The following TFPI variants were observed in gnomAD, a reference collection of about 807,000 sequenced individuals.
The protein encoded by TFPI is tissue factor pathway inhibitor, also known as anti-convertin.
A neutral mutation model predicts 34.6 loss-of-function variants in TFPI; 15 were observed. That is an observed-to-expected ratio of 0.43 (90% CI 0.29 to 0.67). The LOEUF is 0.67. TFPI is among the 30% of genes least tolerant of loss of function. TFPI has a pLI of 0.15. For missense variants in TFPI, 301 were observed against 364.0 expected, an observed-to-expected ratio of 0.83 and a Z score of 1.41; for synonymous variants, 105 against 120.1, an observed-to-expected ratio of 0.87 and a Z score of 0.82.
At chr2:187,521,065 T>C (rs1464981462) in intron 1 of TFPI, among the ~76,000 whole-genome samples, 1 of 152,076 alleles carries the variant, frequency 6.6e-6, no homozygotes, top group Admixed American at 6.5e-5. Flanking sequence ...TAGAGATTGG[T>C]ATTAGAAACC....
chr2:187,508,376 A>G (rs1686375676), intron 1 of TFPI, among the ~76,000 whole-genome samples: 1 of 152,172 alleles, frequency 6.6e-6, no homozygotes. Flanking sequence ...CTTAATTGGG[A>G]TAGCATTGAA....
intron 4 of TFPI, among the ~76,000 whole-genome samples, chr2:187,487,017 TCTAA>T (rs1003230697): frequency 2.0e-5 from 3 of 151,670 alleles, no homozygotes; most frequent in Non-Finnish European, 3.0e-5. Flanking sequence ...AGCTTTATTC[TCTAA>T]CTTTCATATA....
At chr2:187,536,460 A>T (rs1004223911) in intron 1 of TFPI, among the ~76,000 whole-genome samples, 58 of 152,216 alleles carry the variant, frequency 3.8e-4, no homozygotes, top group Admixed American at 3.8e-3. Context: ...AATCCATCAC[A>T]TAAACAGAAT....
intron 6 of TFPI, among the ~76,000 whole-genome samples, chr2:187,477,751 A>C (rs1485130603): frequency 1.3e-5 from 2 of 152,224 alleles, no homozygotes; most frequent in African/African-American, 2.4e-5. Flanking sequence ...GGCTAGTGAT[A>C]ACAAAAATCT....
At chr2:187,512,327 T>G (rs1686699673) in intron 1 of TFPI, among the ~76,000 whole-genome samples, 1 of 150,542 alleles carries the variant, frequency 6.6e-6, no homozygotes, top group Non-Finnish European at 1.5e-5. Flanking sequence ...CTTAAAAATC[T>G]TAAAGTATAA....
At chr2:187,530,225 A>G (rs2106251778) in intron 1 of TFPI, among the ~76,000 whole-genome samples, 1 of 152,340 alleles carries the variant, frequency 6.6e-6, no homozygotes, top group Non-Finnish European at 1.5e-5. Flanking sequence ...TTGTAACCTG[A>G]AATTGAGTAA....
At chr2:187,506,916 TA>T (rs1011640567) in intron 1 of TFPI, among the ~76,000 whole-genome samples, 91 of 152,282 alleles carry the variant, frequency 6.0e-4, no homozygotes, top group African/African-American at 2.1e-3. Context: ...TTTATTTATT[TA>T]TTTTTTTATA....
intron 1 of TFPI, chr2:187,529,335 G>A (rs1303073913): frequency 6.6e-6 from 1 of 152,214 alleles, no homozygotes; most frequent in African/African-American, 2.4e-5. Context: ...CAGACTGTGT[G>A]GCTTAAACAA....
At chr2:187,498,744 T>A (rs1685652886) in intron 2 of TFPI, among the ~76,000 whole-genome samples, 1 of 151,932 alleles carries the variant, frequency 6.6e-6, no homozygotes, top group Non-Finnish European at 1.5e-5. Context: ...ACAGAACTGA[T>A]AGAAGAGTAT....
In TFPI at chr2:187,501,848, G is replaced by A. The variant is rs558994415; in HGVS notation, c.121+1800C>T. 8.6e-5 allele frequency among the ~76,000 whole-genome samples: 13 copies of A among 151,782 alleles called. No individual in the cohort carries two copies. In the East Asian group the frequency reaches 2.5e-3, roughly 29 times the overall value. ...ATTATCATTTTTGCCTTATCTAGAC[G>A]TTAATTCTAGATTATCCTCCCTGCT... On this transcript the variant is annotated intron_variant, in intron 2 of 7. Coordinates refer to ENST00000233156, the MANE Select transcript of TFPI (RefSeq NM_006287.6).
At chr2:187,540,596 AAAT>A (rs1479404481) in intron 1 of TFPI, among the ~76,000 whole-genome samples, 1 of 152,182 alleles carries the variant, frequency 6.6e-6, no homozygotes, top group Admixed American at 6.5e-5. Flanking sequence ...TCTTAAAAGA[AAAT>A]AATAAACCAG....
At chr2:187,547,506 G>A (rs888529648) in intron 1 of TFPI, 1 of 152,094 alleles carries the variant, frequency 6.6e-6, no homozygotes, top group African/African-American at 2.4e-5. Context: ...GTTCAAGAGA[G>A]GAACTACAGC....
chr2:187,478,372 C>T (rs1028279123), intron 6 of TFPI, among the ~76,000 whole-genome samples: 4 of 151,800 alleles, frequency 2.6e-5, no homozygotes, highest in Non-Finnish European at 4.4e-5. Context: ...AAAACAGCAA[C>T]AACAAAAAAC....
intron 6 of TFPI, among the ~76,000 whole-genome samples, chr2:187,470,494 T>C (rs1434540511): frequency 6.6e-6 from 1 of 152,192 alleles, no homozygotes; most frequent in Non-Finnish European, 1.5e-5. Context: ...TCTGTTATCA[T>C]AGACCAAGAA....
intron 1 of TFPI, among the ~76,000 whole-genome samples, chr2:187,535,166 T>C (rs958809223): frequency 2.6e-5 from 4 of 152,112 alleles, no homozygotes; most frequent in African/African-American, 9.7e-5. Flanking sequence ...ACTGTCAATA[T>C]TACACAGATC....
At chr2:187,537,402 T>C (rs985570040) in intron 1 of TFPI, among the ~76,000 whole-genome samples, 2 of 152,028 alleles carry the variant, frequency 1.3e-5, no homozygotes, top group Admixed American at 6.6e-5. Flanking sequence ...TAAAGACCAA[T>C]GGAACAGAAC....
chr2:187,480,550 T>C (rs1358840605), intron 6 of TFPI, among the ~76,000 whole-genome samples: 1 of 152,172 alleles, frequency 6.6e-6, no homozygotes, highest in Non-Finnish European at 1.5e-5. Context: ...AAAGGTTTTT[T>C]ATCTGCTATA....
Position 187,478,356 on chromosome 2 carries a change from A to C in TFPI, c.628+5768T>G, listed in dbSNP as rs191400292. Among the ~76,000 whole-genome samples the C allele has an allele frequency of 2.6e-5, 4 of 152,288 alleles. No homozygotes were observed. In the East Asian group the frequency reaches 7.7e-4, roughly 29 times the overall value. On this transcript the variant is annotated intron_variant, in intron 6 of 7. Transcript: ENST00000233156. ...GCCTGGGCAATAAGAGTGAAACTCC[A>C]TCTCAAAAACAGCAACAACAAAAAA...
chr2:187,473,166 C>T (rs994373915), intron 6 of TFPI, among the ~76,000 whole-genome samples: 2 of 151,926 alleles, frequency 1.3e-5, no homozygotes, highest in African/African-American at 4.8e-5. Context: ...ACAATACATA[C>T]ATATATATAC....
Sources: gnomAD v4.1 joint callset for allele counts (sites outside exome capture counted in the v4.1 genomes callset) on GRCh38, gnomAD v4.1.1 for gene constraint, MANE v1.5 for transcripts, NCBI Gene and HGNC (gene_info 2026-07-23, HGNC 2026-07-21) for gene names.